The following MYCT1 variants were observed in gnomAD, a reference collection of about 807,000 sequenced individuals.
MYCT1 encodes the protein myc target protein 1.
In MYCT1, 12 loss-of-function variants were observed where a neutral mutation model predicts 15.0. The ratio of observed to expected loss-of-function variants is 0.80; its 90% confidence interval spans 0.51 to 1.29. The LOEUF is 1.29. MYCT1 is among the 50% of genes most tolerant of loss of function. The pLI, the probability that MYCT1 is intolerant of heterozygous loss-of-function variation, is 0.00. For missense variants in MYCT1, 287 were observed against 279.1 expected, an observed-to-expected ratio of 1.03 and a Z score of -0.20; for synonymous variants, 104 against 102.7, an observed-to-expected ratio of 1.01 and a Z score of -0.07.
the MYCT1 span, among the ~76,000 whole-genome samples, chr6:152,732,694 A>G: frequency 6.6e-6 from 1 of 152,240 alleles, no homozygotes; most frequent in African/African-American, 2.4e-5. Flanking sequence ...GTATTTATTT[A>G]TTACAGCAAG....
At chr6:152,715,402 A>G (rs149523856) in intron 1 of MYCT1, among the ~76,000 whole-genome samples, 3 of 152,094 alleles carry the variant, frequency 2.0e-5, no homozygotes, top group Non-Finnish European at 4.4e-5. Context: ...CTACTTTCAA[A>G]TCTCCAAGCC....
At chr6:152,702,336 C>T (rs552412984) in intron 1 of MYCT1, among the ~76,000 whole-genome samples, 2 of 152,190 alleles carry the variant, frequency 1.3e-5, no homozygotes, top group East Asian at 1.9e-4. Context: ...TTTTCTATTT[C>T]GAAATATCCA....
Position 152,722,165 on chromosome 6 carries a change from A to T in MYCT1, c.620A>T (p.Tyr207Phe). The change falls in exon 2 of 2, where the codon TAC (tyrosine) becomes TTC (phenylalanine). Residue 207 changes from tyrosine to phenylalanine, a missense_variant. By Grantham distance (22) the Tyr-to-Phe change is conservative. Coordinates refer to ENST00000367245, the MANE Select transcript of MYCT1 (RefSeq NM_025107.3). ...STSHSLSRPD[Y>F]WSSNSLRVGL... Reference sequence around the variant, plus strand: ...TCCCACAGTCTGAGCCGTCCTGACTACTGGTCCAGTAACAGTCTTCGAGTG... The same window carrying T: ...TCCCACAGTCTGAGCCGTCCTGACTTCTGGTCCAGTAACAGTCTTCGAGTG... The T allele has an allele frequency of 6.2e-7, 1 of 1,614,056 alleles. No individual in the cohort carries two copies. Among genetic ancestry groups the T allele is most frequent in the Non-Finnish European group, 8.5e-7 (1 of 1,179,976 alleles).
At chr6:152,726,998 G>T (rs2099725779), downstream of MYCT1, among the ~76,000 whole-genome samples, 1 of 151,922 alleles carries the variant, frequency 6.6e-6, no homozygotes, top group South Asian at 2.1e-4. Context: ...CTTTGGGAGG[G>T]CTGGAGTTTG....
At chr6:152,708,429 C>T (rs1216574139) in intron 1 of MYCT1, among the ~76,000 whole-genome samples, 1 of 151,892 alleles carries the variant, frequency 6.6e-6, no homozygotes, top group East Asian at 1.9e-4. Context: ...CCTGTAGTCT[C>T]AGTTACTTGG....
intron 1 of MYCT1, among the ~76,000 whole-genome samples, chr6:152,721,395 T>C (rs1197265931): frequency 6.6e-6 from 1 of 152,216 alleles, no homozygotes; most frequent in Non-Finnish European, 1.5e-5. Context: ...AAATCAACTT[T>C]GGGCTACATT....
the MYCT1 span, among the ~76,000 whole-genome samples, chr6:152,740,741 C>T: frequency 3.9e-5 from 6 of 152,000 alleles, no homozygotes; most frequent in Middle Eastern, 3.4e-3. Flanking sequence ...AACAAAAGGA[C>T]GAATATTTTT....
At chr6:152,734,666 A>C in the MYCT1 span, among the ~76,000 whole-genome samples, 2 of 146,990 alleles carry the variant, frequency 1.4e-5, no homozygotes, top group South Asian at 4.3e-4. Context: ...ATGCTTTGAC[A>C]TTTTTTTTTT....
At chr6:152,726,678 G>A (rs1451524252), downstream of MYCT1, among the ~76,000 whole-genome samples, 1 of 152,118 alleles carries the variant, frequency 6.6e-6, no homozygotes, top group Non-Finnish European at 1.5e-5. Flanking sequence ...TCTTTGACCC[G>A]TATCTAGCAT....
the MYCT1 span, among the ~76,000 whole-genome samples, chr6:152,730,887 G>A: frequency 6.6e-6 from 1 of 152,158 alleles, no homozygotes; most frequent in Non-Finnish European, 1.5e-5. Context: ...CATATTATCT[G>A]AAATTATATT....
chr6:152,732,923 G>A, the MYCT1 span, among the ~76,000 whole-genome samples: 1 of 152,180 alleles, frequency 6.6e-6, no homozygotes, highest in African/African-American at 2.4e-5. Context: ...TAAAACATTA[G>A]CGCCTTCTCA....
chr6:152,728,892 T>A (rs1298037975), downstream of MYCT1, among the ~76,000 whole-genome samples: 2 of 152,046 alleles, frequency 1.3e-5, no homozygotes, highest in Non-Finnish European at 2.9e-5. Context: ...GGTGACAGAG[T>A]GAGACCCTGT....
At chr6:152,702,630 A>G (rs1001166) in intron 1 of MYCT1, among the ~76,000 whole-genome samples, 57,638 of 151,950 alleles carry the variant, frequency 0.38, 11,655 homozygotes, top group East Asian at 0.62. Context: ...AGATGGGCAT[A>G]GGATGTTCCC....
chr6:152,701,382 G>T (rs534360617), intron 1 of MYCT1, among the ~76,000 whole-genome samples: 1 of 152,208 alleles, frequency 6.6e-6, no homozygotes, highest in Non-Finnish European at 1.5e-5. Context: ...GAACGTCTTG[G>T]CTAGAGATTC....
intron 1 of MYCT1, among the ~76,000 whole-genome samples, chr6:152,707,420 T>C (rs1159954096): frequency 1.3e-5 from 2 of 152,044 alleles, no homozygotes; most frequent in Non-Finnish European, 2.9e-5. Flanking sequence ...TCATCAGATA[T>C]ACGGTTTGCA....
intron 1 of MYCT1, chr6:152,705,962 T>C: frequency 1.3e-6 from 1 of 783,202 alleles, no homozygotes; most frequent in Non-Finnish European, 2.3e-6. Flanking sequence ...AAGCAATTAT[T>C]GACCCAACAA....
downstream of MYCT1, among the ~76,000 whole-genome samples, chr6:152,725,224 G>A (rs558377040): frequency 2.6e-4 from 40 of 151,656 alleles, no homozygotes; most frequent in Non-Finnish European, 3.4e-4. Flanking sequence ...TATAAATATG[G>A]CAAAAATGGC....
chr6:152,715,048 T>G (rs1409942775), intron 1 of MYCT1, among the ~76,000 whole-genome samples: 3 of 152,126 alleles, frequency 2.0e-5, no homozygotes, highest in Admixed American at 6.6e-5. Context: ...TGGCAGCCCC[T>G]GAACACCAAC....
rs544821481 is a variant in MYCT1 at position 152,722,891 on chromosome 6, A to C, written c.*638A>C. 2.4e-3 allele frequency: 450 copies of C among 188,792 alleles called. 1 individual carries two copies. The highest frequency in any genetic ancestry group is 4.0e-3 in the Non-Finnish European group (354 of 89,378). 11.7% of individuals were successfully genotyped at this position (188,792 alleles called of 1,614,324 possible). A position where few individuals can be genotyped will look rare whatever the true frequency, so the allele number is the denominator to read the frequency against. On this transcript the variant is annotated 3_prime_UTR_variant, in exon 2 of 2. Coordinates refer to ENST00000367245, the MANE Select transcript of MYCT1 (RefSeq NM_025107.3). ...GTAGCTGGGACTACAGGGGTGCACT[A>C]CCACACCGGGTTGAATTTTTTTTTA...
Sources: gnomAD v4.1 joint callset for allele counts (sites outside exome capture counted in the v4.1 genomes callset) on GRCh38, gnomAD v4.1.1 for gene constraint, MANE v1.5 for transcripts, NCBI Gene and HGNC (gene_info 2026-07-23, HGNC 2026-07-21) for gene names.